The following LRP1B variants were observed in gnomAD, a reference collection of about 807,000 sequenced individuals.
LRP1B encodes the protein low-density lipoprotein receptor-related protein 1B.
Under a neutral mutation model 556.6 loss-of-function variants are expected in LRP1B, and 217 were observed. The ratio of observed to expected loss-of-function variants is 0.39; its 90% CI spans 0.35 to 0.44. The LOEUF is 0.44. LRP1B is among the 20% of genes least tolerant of loss of function. LRP1B has a pLI of 1.00. For synonymous variants in LRP1B, 2,047 were observed against 1,865.8 expected (o/e 1.10, Z -2.50); for missense variants, 5,053 against 5,620.8 (o/e 0.90, Z 3.23).
At chr2:140,811,777 C>T (rs115942229) in intron 32 of LRP1B, among the ~76,000 whole-genome samples, 2,659 of 152,062 alleles carry the variant, frequency 0.017, 75 homozygotes, top group African/African-American at 0.061. Context: ...ATCTTATAGA[C>T]ACTATGAAAC....
intron 68 of LRP1B, among the ~76,000 whole-genome samples, chr2:140,376,448 T>C (rs1446292027): frequency 6.6e-6 from 1 of 152,186 alleles, no homozygotes; most frequent in Non-Finnish European, 1.5e-5. Context: ...GATATTTTCA[T>C]GGATGAGTTT....
intron 83 of LRP1B, among the ~76,000 whole-genome samples, chr2:140,303,469 G>A (rs541011880): frequency 6.6e-5 from 10 of 151,748 alleles, no homozygotes; most frequent in Non-Finnish European, 7.4e-5. Context: ...GGCTGGTCTC[G>A]AATTCCTGAC....
chr2:141,312,695 C>CT (rs112865731), intron 3 of LRP1B, among the ~76,000 whole-genome samples: 20,235 of 147,530 alleles, frequency 0.14, 1,498 homozygotes, highest in East Asian at 0.22. Context: ...ATTGATAATT[C>CT]TTTTTTTTTT....
chr2:140,588,812 A>C (rs947095242), intron 43 of LRP1B, among the ~76,000 whole-genome samples: 2 of 145,594 alleles, frequency 1.4e-5, no homozygotes, highest in Non-Finnish European at 3.0e-5. Context: ...ACAAAAAATC[A>C]GCCGGGTGTG....
At chr2:141,492,110 T>A (rs1683359381) in intron 2 of LRP1B, among the ~76,000 whole-genome samples, 1 of 64,838 alleles carries the variant, frequency 1.5e-5, no homozygotes, top group South Asian at 4.9e-4. Flanking sequence ...AAACCAACAT[T>A]TGATGACTAA....
intron 2 of LRP1B, among the ~76,000 whole-genome samples, chr2:141,660,477 T>C (rs1024552480): frequency 1.3e-5 from 2 of 151,138 alleles, no homozygotes; most frequent in Non-Finnish European, 3.0e-5. Flanking sequence ...GTCTGGCAGT[T>C]CCCCCCCGCT....
At chr2:140,495,520 T>C in intron 56 of LRP1B, 45 bp downstream of exon 56, 1 of 1,512,490 alleles carries the variant, frequency 6.6e-7, no homozygotes, top group Non-Finnish European at 9.1e-7. Context: ...TCAGGATCCA[T>C]ATGTATAACT....
intron 3 of LRP1B, among the ~76,000 whole-genome samples, chr2:141,396,364 C>T (rs1690237316): frequency 6.6e-6 from 1 of 152,112 alleles, no homozygotes; most frequent in Admixed American, 6.6e-5. Flanking sequence ...AGGACCTAAG[C>T]AAGGCTTTAT....
intron 7 of LRP1B, among the ~76,000 whole-genome samples, chr2:141,133,990 C>T (rs1307516819): frequency 6.6e-6 from 1 of 151,800 alleles, no homozygotes; most frequent in Non-Finnish European, 1.5e-5. Context: ...TAGAACAATA[C>T]ATGCATACCC....
chr2:141,522,623 C>A (rs1684565264), intron 2 of LRP1B, among the ~76,000 whole-genome samples: 1 of 152,004 alleles, frequency 6.6e-6, no homozygotes, highest in Non-Finnish European at 1.5e-5. Context: ...TCGGGGAGAT[C>A]TTTTAAAAGT....
chr2:140,354,430 A>G (rs1573835510), intron 75 of LRP1B, among the ~76,000 whole-genome samples: 1 of 152,220 alleles, frequency 6.6e-6, no homozygotes, highest in African/African-American at 2.4e-5. Context: ...TGAAATGTAG[A>G]GTAAAGAGAT....
chr2:142,084,360 C>T (rs1705833096), intron 1 of LRP1B, among the ~76,000 whole-genome samples: 1 of 152,146 alleles, frequency 6.6e-6, no homozygotes, highest in African/African-American at 2.4e-5. Context: ...TCTTCCTCTC[C>T]AATCTGAACC....
At chr2:141,754,307 A>G (rs1175112449) in intron 2 of LRP1B, among the ~76,000 whole-genome samples, 1 of 152,110 alleles carries the variant, frequency 6.6e-6, no homozygotes, top group East Asian at 1.9e-4. Flanking sequence ...TTAACAAGGC[A>G]CTATTATTTT....
intron 5 of LRP1B, among the ~76,000 whole-genome samples, chr2:141,240,239 AG>A (rs1430762155): frequency 2.0e-5 from 3 of 152,094 alleles, no homozygotes; most frequent in Non-Finnish European, 4.4e-5. Flanking sequence ...TATGCTCTCC[AG>A]GGGAAGGAGT....
intron 35 of LRP1B, among the ~76,000 whole-genome samples, chr2:140,754,681 T>C (rs1688684514): frequency 6.6e-6 from 1 of 151,722 alleles, no homozygotes; most frequent in Admixed American, 6.6e-5. Flanking sequence ...CAAGTAGTTA[T>C]TGGAGAAAAA....
At chr2:140,726,472 C>A (rs1222041522) in intron 35 of LRP1B, among the ~76,000 whole-genome samples, 5 of 152,114 alleles carry the variant, frequency 3.3e-5, no homozygotes, top group African/African-American at 4.8e-5. Flanking sequence ...TTGTTTGATT[C>A]TCCTCCACTC....
chr2:142,012,591 A>G (rs1257127247), intron 1 of LRP1B, among the ~76,000 whole-genome samples: 2 of 152,118 alleles, frequency 1.3e-5, no homozygotes, highest in Non-Finnish European at 2.9e-5. Flanking sequence ...CCAAGACACC[A>G]AGCAGCATGT....
At chr2:140,770,047 A>T (rs953927678) in intron 34 of LRP1B, among the ~76,000 whole-genome samples, 1 of 151,838 alleles carries the variant, frequency 6.6e-6, no homozygotes, top group African/African-American at 2.4e-5. Context: ...TTCTTATTAA[A>T]ACTAGAATGC....
chr2:140,381,273 T>C (rs1379133682), intron 67 of LRP1B, among the ~76,000 whole-genome samples: 1 of 152,196 alleles, frequency 6.6e-6, no homozygotes, highest in Non-Finnish European at 1.5e-5. Context: ...TGATACTATT[T>C]TTCTTGTGAA....
Sources: allele counts gnomAD v4.1 joint callset (sites outside exome capture counted in the v4.1 genomes callset), GRCh38; gene constraint gnomAD v4.1.1; transcripts MANE v1.5; gene names NCBI Gene and HGNC (gene_info 2026-07-23, HGNC 2026-07-21).